ACSL4: variants seen among roughly 807,000 people sequenced by gnomAD.
The protein encoded by ACSL4 is acyl-CoA synthetase long chain family member 4.
ACSL4 carries 9 observed loss-of-function variants against 49.1 expected under a neutral mutation model. The ratio of observed to expected loss-of-function variants is 0.18; its 90% confidence interval spans 0.11 to 0.32. ACSL4 has a LOEUF of 0.32. Ranked by LOEUF, ACSL4 falls within the 10% of genes least tolerant of loss-of-function variation. The probability of loss-of-function intolerance (pLI) is 1.00; values close to 1 mark genes in which losing one functional copy is unlikely to be tolerated. For missense variants in ACSL4, 333 were observed against 493.7 expected (o/e 0.67, Z 3.08); for synonymous variants, 191 against 170.3 (o/e 1.12, Z -0.95).
At chrX:109,662,490 T>G (rs1015771975) in intron 13 of ACSL4, among the ~76,000 whole-genome samples, 8 of 111,132 alleles carry the variant, frequency 7.2e-5, no homozygotes, top group African/African-American at 2.6e-4. Context: ...GTGAGGAAAC[T>G]CTATGTCTTA....
At chrX:109,703,007 C>T (rs755538769) in intron 1 of ACSL4, among the ~76,000 whole-genome samples, 3 of 112,197 alleles carry the variant, frequency 2.7e-5, no homozygotes, top group Non-Finnish European at 5.6e-5. Context: ...AGGCAAAATC[C>T]ATCAGTGAAT....
chrX:109,690,757 T>TG lies in ACSL4; in HGVS notation c.-13+5386_-13+5387insC, dbSNP rs1924979860. The stretch of plus-strand genomic sequence containing the variant: ...ATCTGTCCTACATCCTAAGACATTT[T>TG]AGGGGGGGGGGGCCTCTATAGATGT... On this transcript the variant is annotated intron_variant, in intron 2 of 15. Coordinates refer to ENST00000672401, the MANE Select transcript of ACSL4 (RefSeq NM_001318510.2). Among the ~76,000 whole-genome samples, 8 of 88,572 alleles carry TG rather than the reference T, an allele frequency of 9.0e-5. 1 individual carries two copies. Among genetic ancestry groups the TG allele is most frequent in the South Asian group, 1.5e-3 (2 of 1,317 alleles). 76.9% of individuals were successfully genotyped at this position (88,572 alleles called of 115,157 possible).
chrX:109,717,972 A>C (rs1449078576), intron 1 of ACSL4, among the ~76,000 whole-genome samples: 1 of 111,842 alleles, frequency 8.9e-6, no homozygotes, highest in African/African-American at 3.3e-5. Flanking sequence ...CATGGTTGAG[A>C]GGATCATCCC....
chrX:109,718,499 A>T (rs926734393), intron 1 of ACSL4, among the ~76,000 whole-genome samples: 3 of 112,598 alleles, frequency 2.7e-5, no homozygotes, highest in Non-Finnish European at 3.7e-5. Context: ...TTACTCATGT[A>T]ATCCCAACAT....
chrX:109,650,392 T>C (rs756854606), intron 15 of ACSL4, among the ~76,000 whole-genome samples: 52 of 106,618 alleles, frequency 4.9e-4, no homozygotes, highest in East Asian at 1.5e-3. Context: ...ATGGATGAAA[T>C]TGGAAATCAT....
At chrX:109,672,943 T>C (rs1192171306) in intron 9 of ACSL4, among the ~76,000 whole-genome samples, 1 of 110,585 alleles carries the variant, frequency 9.0e-6, no homozygotes, top group Admixed American at 9.7e-5. Context: ...TGCCCTCTGA[T>C]CTCTCATGAG....
intron 2 of ACSL4, among the ~76,000 whole-genome samples, chrX:109,695,111 C>T (rs766929209): frequency 9.0e-6 from 1 of 110,802 alleles, no homozygotes; most frequent in East Asian, 2.9e-4. Flanking sequence ...CTTTGGGAGG[C>T]CAAGGTGGGA....
intron 1 of ACSL4, among the ~76,000 whole-genome samples, chrX:109,727,893 A>C (rs1603413093): frequency 8.9e-6 from 1 of 112,072 alleles, no homozygotes; most frequent in East Asian, 2.8e-4. Context: ...GTTTATTTAC[A>C]AAAACCGGTG....
chrX:109,681,417 C>G (rs1263707327), intron 4 of ACSL4, 42 bp from the exon 5 acceptor site: 1 of 924,930 alleles, frequency 1.1e-6, no homozygotes, highest in Admixed American at 2.3e-5. Flanking sequence ...TAATAAACAT[C>G]TATTAGAAAT....
rs936202794 is a variant in ACSL4, at chrX:109,643,200, T to C, written c.*829A>G. 5.3e-5 allele frequency: 6 copies of C among 112,228 alleles called. No individual in the cohort carries two copies. In the Admixed American group the frequency reaches 5.7e-4, roughly 11 times the overall value. The allele number at this position is 112,228 out of a possible 1,213,427, so 9.2% of individuals were successfully genotyped here. A position where few individuals can be genotyped will look rare whatever the true frequency, so the allele number is the denominator to read the frequency against. ...CCTTTTCTAAGAGAAAATGTTTGCC[T>C]GTTAACTTTTTACCTTCCTTGCTCT... On this transcript the variant is annotated 3_prime_UTR_variant, in exon 16 of 16. Transcript: ENST00000672401.
At chrX:109,724,400 A>G (rs1927802630) in intron 1 of ACSL4, among the ~76,000 whole-genome samples, 1 of 111,219 alleles carries the variant, frequency 9.0e-6, no homozygotes, top group South Asian at 3.7e-4. Flanking sequence ...ACAGCCTCCC[A>G]AGTATCTGGG....
chrX:109,700,350 T>C (rs749692295), intron 1 of ACSL4, among the ~76,000 whole-genome samples: 1 of 107,491 alleles, frequency 9.3e-6, no homozygotes, highest in Admixed American at 1.0e-4. Flanking sequence ...GCCAACATGG[T>C]GAAAAACCAC....
chrX:109,699,257 C>T (rs1925685563), intron 1 of ACSL4, among the ~76,000 whole-genome samples: 1 of 111,657 alleles, frequency 9.0e-6, no homozygotes, highest in South Asian at 3.7e-4. Context: ...AACCCAGCTA[C>T]GGGGGAGGCT....
intron 1 of ACSL4, among the ~76,000 whole-genome samples, chrX:109,696,860 T>C (rs760579050): frequency 9.0e-6 from 1 of 111,288 alleles, no homozygotes; most frequent in Non-Finnish European, 1.9e-5. Context: ...CTAGGAAAAA[T>C]GGCAAAACCC....
intron 4 of ACSL4, among the ~76,000 whole-genome samples, chrX:109,681,949 A>C (rs780688692): frequency 8.9e-6 from 1 of 112,172 alleles, no homozygotes; most frequent in Non-Finnish European, 1.9e-5. Flanking sequence ...AACCAAGATC[A>C]GTTAGAATCA....
chrX:109,729,519 T>C (rs1409344017), intron 1 of ACSL4, among the ~76,000 whole-genome samples: 1 of 112,012 alleles, frequency 8.9e-6, no homozygotes, highest in Non-Finnish European at 1.9e-5. Context: ...TGGAAAATGG[T>C]TTGGCAGTTC....
chrX:109,700,455 T>C (rs1051621693), intron 1 of ACSL4, among the ~76,000 whole-genome samples: 5 of 106,919 alleles, frequency 4.7e-5, no homozygotes, highest in Non-Finnish European at 9.6e-5. Context: ...GAGAATTACT[T>C]GAAACCGGGA....
chrX:109,653,868 A>G lies in ACSL4; in HGVS notation c.1855+5486T>C, dbSNP rs1463752715. 3.8e-4 allele frequency among the ~76,000 whole-genome samples: 41 copies of G among 108,843 alleles called. No individual in the cohort carries two copies. The East Asian group carries it at 0.012, about 31-fold the overall frequency. 94.5% of individuals were successfully genotyped at this position (108,843 alleles called of 115,157 possible). On this transcript the variant is annotated intron_variant, in intron 15 of 15. Transcript: ENST00000672401. ...ATACCTAATGCTAAATGACGAGTTA[A>G]TGGGTGCAGCACACCAGCATGGCAC...
At chrX:109,686,991 G>A (rs1315210170) in intron 2 of ACSL4, among the ~76,000 whole-genome samples, 3 of 111,951 alleles carry the variant, frequency 2.7e-5, no homozygotes, top group Non-Finnish European at 3.8e-5. Context: ...TGGTAGAGGA[G>A]GCTATGACAG....
Sources: allele counts gnomAD v4.1 joint callset (sites outside exome capture counted in the v4.1 genomes callset), GRCh38; gene constraint gnomAD v4.1.1; transcripts MANE v1.5; gene names NCBI Gene and HGNC (gene_info 2026-07-23, HGNC 2026-07-21).